The following CSMD1 variants were observed in gnomAD, a reference collection of about 807,000 sequenced individuals.
CSMD1 encodes CUB and Sushi multiple domains 1, also known as CUB and sushi domain-containing protein 1.
Under a neutral mutation model 417.5 loss-of-function variants are expected in CSMD1, and 213 were observed. The observed-to-expected ratio is 0.51, with a 90% CI of 0.46 to 0.57. The LOEUF (loss-of-function observed/expected upper bound fraction) is 0.57, where lower values mean the gene tolerates loss of function less well. CSMD1 is among the 20% of genes least tolerant of loss of function. The pLI is 0.00. For missense variants in CSMD1, 6,923 were observed against 4,529.7 expected (o/e 1.53, Z -15.17); for synonymous variants, 2,862 against 1,736.8 (o/e 1.65, Z -16.11).
chr8:3,754,006 A>G lies in CSMD1; in HGVS notation c.855T>C (p.Ser285=), dbSNP rs372382724. ...AATGGAGTCGTAGCCAATTCTTGCT[A>G]CTGATAACTGGAGAGGGGAGGTTCA... ...TGMNLPSPVI[S]SKNWLRLHFT... Residue 285 remains serine (S), a synonymous_variant, in exon 6 of 70, where the codon AGT becomes AGC. Coordinates refer to ENST00000635120, the MANE Select transcript of CSMD1 (RefSeq NM_033225.6). 101 of 1,613,072 alleles carry G rather than the reference A, an allele frequency of 6.3e-5. No homozygotes were observed. The highest frequency in any genetic ancestry group is 3.3e-4 in the Admixed American group (20 of 59,964).
At position 4,185,648 on chromosome 8, in the gene CSMD1, C is replaced by G. The variant is rs563262329; in HGVS notation, c.416-153549G>C. On this transcript the variant is annotated intron_variant, in intron 3 of 69. Transcript: ENST00000635120. ...TTTAAATAGCTAATGTAAAAAGTGA[C>G]ACATTTTAACATAGTCACGTAAATG... is the stretch of plus-strand genomic sequence containing the variant. Among the ~76,000 whole-genome samples, 6 of 152,238 alleles carry G rather than the reference C, an allele frequency of 3.9e-5. No homozygotes were observed. The South Asian group carries it at 1.2e-3, about 32-fold the overall frequency.
chr8:3,683,229 A>C (rs1292921234), intron 7 of CSMD1, among the ~76,000 whole-genome samples: 2 of 151,560 alleles, frequency 1.3e-5, no homozygotes, highest in Non-Finnish European at 2.9e-5. Context: ...TAAAAAATAA[A>C]ATAATAAAAA....
intron 1 of CSMD1, among the ~76,000 whole-genome samples, chr8:4,694,224 G>T (rs928453506): frequency 1.3e-5 from 2 of 152,178 alleles, no homozygotes; most frequent in Non-Finnish European, 2.9e-5. Flanking sequence ...CCTTTGAAAA[G>T]ACTAATCAGA....
chr8:4,930,803 A>C (rs528800155), intron 1 of CSMD1, among the ~76,000 whole-genome samples: 183 of 152,334 alleles, frequency 1.2e-3, no homozygotes, highest in Non-Finnish European at 2.3e-3. Context: ...CAGCTGTGAA[A>C]TTTACATTTA....
intron 3 of CSMD1, among the ~76,000 whole-genome samples, chr8:4,102,388 T>G (rs1035039611): frequency 5.3e-5 from 8 of 152,218 alleles, no homozygotes; most frequent in African/African-American, 1.9e-4. Flanking sequence ...GGTAACTTCG[T>G]AAGGTTAACC....
intron 49 of CSMD1, among the ~76,000 whole-genome samples, chr8:3,069,481 C>G (rs774440245): frequency 3.3e-5 from 5 of 151,958 alleles, no homozygotes; most frequent in Non-Finnish European, 5.9e-5. Flanking sequence ...ATGCCCCATT[C>G]AAGTTTGACA....
At chr8:3,536,826 G>A (rs1178007883) in intron 10 of CSMD1, among the ~76,000 whole-genome samples, 2 of 152,106 alleles carry the variant, frequency 1.3e-5, no homozygotes, top group South Asian at 2.1e-4. Context: ...GCCATCCTTG[G>A]GTGTTCGGTC....
chr8:3,668,052 AG>A (rs1798794415), intron 7 of CSMD1, among the ~76,000 whole-genome samples: 1 of 152,176 alleles, frequency 6.6e-6, no homozygotes, highest in Admixed American at 6.5e-5. Context: ...CCCAAGGATG[AG>A]CCTTGCTCAG....
chr8:3,879,781 G>A, intron 5 of CSMD1, among the ~76,000 whole-genome samples: 1 of 152,046 alleles, frequency 6.6e-6, no homozygotes, highest in East Asian at 1.9e-4. Flanking sequence ...ATTGCTTTCA[G>A]CTTCAGATAT....
At position 4,788,294 on chromosome 8, in the gene CSMD1, G is replaced by A. The variant is rs1454890347; in HGVS notation, c.86-150736C>T. On this transcript the variant is annotated intron_variant, in intron 1 of 69. Transcript: ENST00000635120. ...GCATTCCTACTGTATTTGTGGCAGT[G>A]GCAGGCAGAAGTAATGGTTTGGGAC... 1.0e-5 allele frequency: 16 copies of A among 1,586,746 alleles called. No individual in the cohort carries two copies. The East Asian group carries it at 3.4e-4, about 33-fold the overall frequency.
intron 5 of CSMD1, among the ~76,000 whole-genome samples, chr8:3,945,530 C>T (rs75715922): frequency 4.6e-5 from 7 of 151,746 alleles, no homozygotes; most frequent in Non-Finnish European, 7.4e-5. Flanking sequence ...TAGTGAAAGG[C>T]GTTGATTCAT....
chr8:4,212,288 T>A (rs985699884), intron 3 of CSMD1, among the ~76,000 whole-genome samples: 8 of 151,880 alleles, frequency 5.3e-5, no homozygotes, highest in Non-Finnish European at 1.2e-4. Flanking sequence ...TCTACAAACT[T>A]AGTCAAAACT....
At chr8:3,214,781 T>A in intron 29 of CSMD1, 90 bp from the exon 30 acceptor site, 1 of 968,338 alleles carries the variant, frequency 1.0e-6, no homozygotes, top group Non-Finnish European at 1.5e-6. Context: ...TTAATTGTGT[T>A]ATTTAGGGCC....
chr8:3,406,609 C>G (rs1045654889), intron 14 of CSMD1, among the ~76,000 whole-genome samples: 1 of 152,112 alleles, frequency 6.6e-6, no homozygotes, highest in Non-Finnish European at 1.5e-5. Context: ...GCATATGACT[C>G]TGACGCTCTA....
intron 6 of CSMD1, among the ~76,000 whole-genome samples, chr8:3,725,396 G>C (rs1440306028): frequency 6.6e-6 from 1 of 152,158 alleles, no homozygotes; most frequent in African/African-American, 2.4e-5. Flanking sequence ...GACATCACTT[G>C]AACATTTTTA....
At chr8:3,294,690 G>A (rs1359753425) in intron 25 of CSMD1, among the ~76,000 whole-genome samples, 3 of 152,182 alleles carry the variant, frequency 2.0e-5, no homozygotes, top group African/African-American at 7.2e-5. Flanking sequence ...GTATTAGGGT[G>A]GGAGTGACCC....
At chr8:4,170,309 G>T (rs974857050) in intron 3 of CSMD1, among the ~76,000 whole-genome samples, 3 of 151,932 alleles carry the variant, frequency 2.0e-5, no homozygotes, top group South Asian at 2.1e-4. Context: ...GCGTCTCAAT[G>T]ATATAAAAAG....
At chr8:3,124,710 AGACCACAG>A (rs1378921235) in intron 41 of CSMD1, among the ~76,000 whole-genome samples, 1 of 152,196 alleles carries the variant, frequency 6.6e-6, no homozygotes, top group Non-Finnish European at 1.5e-5. Flanking sequence ...CAAATTGTTC[AGACCACAG>A]GACGTTCATT....
At chr8:4,737,076 A>G (rs1810291536) in intron 1 of CSMD1, among the ~76,000 whole-genome samples, 1 of 152,220 alleles carries the variant, frequency 6.6e-6, no homozygotes, top group African/African-American at 2.4e-5. Flanking sequence ...AAAGACATGT[A>G]ATCAACCTAC....
Sources: gnomAD v4.1 joint callset for allele counts (sites outside exome capture counted in the v4.1 genomes callset) on GRCh38, gnomAD v4.1.1 for gene constraint, MANE v1.5 for transcripts, NCBI Gene and HGNC (gene_info 2026-07-23, HGNC 2026-07-21) for gene names.